Variants in RANBP2 observed in about 807,000 individuals in gnomAD.
RANBP2 encodes RAN binding protein 2.
RANBP2 carries 57 observed loss-of-function variants against 303.6 expected under a neutral mutation model. That is an observed-to-expected ratio of 0.19 (90% CI 0.15 to 0.23). RANBP2 has a LOEUF of 0.23. Among genes scored for constraint, RANBP2 ranks in the 10% least tolerant of loss-of-function variants. The pLI is 1.00. For missense variants in RANBP2, 3,138 were observed against 3,780.8 expected, an observed-to-expected ratio of 0.83 and a Z score of 4.46; for synonymous variants, 1,167 against 1,301.5, an observed-to-expected ratio of 0.90 and a Z score of 2.23.
the RANBP2 span, among the ~76,000 whole-genome samples, chr2:109,017,327 G>A: frequency 1.3e-5 from 2 of 152,348 alleles, no homozygotes; most frequent in Admixed American, 6.5e-5. Context: ...TCTTTGATAC[G>A]ATCCTGAGGC....
At chr2:108,841,660 TA>T in the RANBP2 span, among the ~76,000 whole-genome samples, 11 of 152,138 alleles carry the variant, frequency 7.2e-5, no homozygotes, top group African/African-American at 2.7e-4. Context: ...TTAAATAGCA[TA>T]CAGCTGCATT....
the RANBP2 span, among the ~76,000 whole-genome samples, chr2:109,689,628 A>G: frequency 6.6e-6 from 1 of 152,218 alleles, no homozygotes; most frequent in African/African-American, 2.4e-5. Context: ...CAGGCCTTCA[A>G]CTGAGATTTT....
Position 108,766,765 on chromosome 2 carries a change from C to A in RANBP2, c.6226C>A (p.Arg2076=). 6.2e-7 allele frequency: 1 copy of A among 1,611,934 alleles called. No homozygotes were observed. The highest frequency in any genetic ancestry group is 1.3e-5 in the African/African-American group (1 of 74,958). Residue 2076 remains arginine, a synonymous_variant, in exon 20 of 29, where the codon CGA becomes AGA. Coordinates refer to ENST00000283195, the MANE Select transcript of RANBP2 (RefSeq NM_006267.5). ...CAATGGCAAACTAAGAATGCTGATG[C>A]GAAGAGAACAAGTACTAAAAGTGTG... The part of the protein sequence containing the change: ...EVNGKLRMLM[R]REQVLKVCAN...
the RANBP2 span, among the ~76,000 whole-genome samples, chr2:109,566,340 C>T: frequency 1.3e-5 from 2 of 151,848 alleles, no homozygotes; most frequent in South Asian, 2.1e-4. Flanking sequence ...AGGCTTGTCT[C>T]GAACTCCTGA....
the RANBP2 span, among the ~76,000 whole-genome samples, chr2:109,674,503 C>A: frequency 6.6e-6 from 1 of 151,240 alleles, no homozygotes; most frequent in Admixed American, 6.6e-5. Context: ...ATTGCTTGAG[C>A]CCAGAAGGTT....
the RANBP2 span, among the ~76,000 whole-genome samples, chr2:109,685,111 G>T: frequency 2.0e-5 from 3 of 151,966 alleles, no homozygotes; most frequent in Non-Finnish European, 4.4e-5. Flanking sequence ...GACCTCAGAT[G>T]ATCCTCCTGC....
At chr2:109,033,471 T>C in the RANBP2 span, among the ~76,000 whole-genome samples, 2 of 152,168 alleles carry the variant, frequency 1.3e-5, no homozygotes, top group Non-Finnish European at 2.9e-5. Flanking sequence ...TCAGGTGCTG[T>C]AGCTGAGAAG....
chr2:109,564,311 T>C, the RANBP2 span: 8 of 1,410,268 alleles, frequency 5.7e-6, no homozygotes, highest in East Asian at 1.5e-4. Flanking sequence ...TATATAAAAA[T>C]ATGCAATCCT....
chr2:109,046,952 T>G, the RANBP2 span, among the ~76,000 whole-genome samples: 1 of 152,104 alleles, frequency 6.6e-6, no homozygotes, highest in East Asian at 1.9e-4. Context: ...ACCAGTCCTC[T>G]TGGTTCTGTC....
the RANBP2 span, among the ~76,000 whole-genome samples, chr2:109,561,390 T>C: frequency 6.6e-6 from 1 of 152,196 alleles, no homozygotes; most frequent in Non-Finnish European, 1.5e-5. Flanking sequence ...CTTTAGTGCT[T>C]ATATCACAGC....
the RANBP2 span, chr2:109,129,994 G>T: frequency 7.7e-7 from 1 of 1,294,294 alleles, no homozygotes; most frequent in South Asian, 2.4e-5. Context: ...GCTCGCGGGC[G>T]GCGGGGGCGG....
the RANBP2 span, among the ~76,000 whole-genome samples, chr2:109,420,224 C>T: frequency 6.6e-6 from 1 of 152,174 alleles, no homozygotes; most frequent in Non-Finnish European, 1.5e-5. Context: ...TAAAATTCCC[C>T]ATTTAAATCA....
At chr2:109,524,241 CCT>C in the RANBP2 span, among the ~76,000 whole-genome samples, 1 of 150,066 alleles carries the variant, frequency 6.7e-6, no homozygotes, top group Non-Finnish European at 1.5e-5. Context: ...GTAGGGAGGA[CCT>C]GGGGCTCAGA....
chr2:109,169,781 C>G, the RANBP2 span, among the ~76,000 whole-genome samples: 1 of 151,596 alleles, frequency 6.6e-6, no homozygotes, highest in Non-Finnish European at 1.5e-5. Context: ...CATGACCCCC[C>G]AAAATCAAAT....
the RANBP2 span, among the ~76,000 whole-genome samples, chr2:109,139,714 C>T: frequency 1.3e-5 from 2 of 152,168 alleles, no homozygotes; most frequent in South Asian, 4.1e-4. Flanking sequence ...TATATCAGAT[C>T]CTGTGGTTGA....
the RANBP2 span, among the ~76,000 whole-genome samples, chr2:109,443,587 CAAAA>C: frequency 6.6e-6 from 1 of 152,012 alleles, no homozygotes; most frequent in African/African-American, 2.4e-5. Context: ...TAATATTAAT[CAAAA>C]GAAAGCTGGA....
At chr2:109,116,364 A>G in the RANBP2 span, among the ~76,000 whole-genome samples, 2 of 151,862 alleles carry the variant, frequency 1.3e-5, no homozygotes, top group Admixed American at 6.6e-5. Context: ...TTCCCTTCTC[A>G]CTTCATTTCA....
chr2:109,689,032 G>C, the RANBP2 span, among the ~76,000 whole-genome samples: 30 of 151,434 alleles, frequency 2.0e-4, no homozygotes, highest in Non-Finnish European at 2.9e-4. Flanking sequence ...TCAGCCTCCC[G>C]AGTAGGTGGG....
chr2:108,965,007 C>G, the RANBP2 span, among the ~76,000 whole-genome samples: 2 of 152,062 alleles, frequency 1.3e-5, no homozygotes, highest in East Asian at 3.9e-4. Flanking sequence ...CACAACCTGC[C>G]TCTTTTACAT....
Sources: allele counts gnomAD v4.1 joint callset (sites outside exome capture counted in the v4.1 genomes callset), GRCh38; gene constraint gnomAD v4.1.1; transcripts MANE v1.5; gene names NCBI Gene and HGNC (gene_info 2026-07-23, HGNC 2026-07-21).